Variants in NBEA observed in about 807,000 individuals in gnomAD.
NBEA encodes neurobeachin, also known as lysosomal-trafficking regulator 2.
NBEA carries 44 observed loss-of-function variants against 343.4 expected under a neutral mutation model. That is an observed-to-expected ratio of 0.13 (90% CI 0.10 to 0.16). The LOEUF (loss-of-function observed/expected upper bound fraction) is 0.16, where lower values mean the gene tolerates loss of function less well. Ranked by LOEUF, NBEA falls within the 10% of genes least tolerant of loss-of-function variation. The pLI, the probability that NBEA is intolerant of heterozygous loss-of-function variation, is 1.00. For missense variants in NBEA, 2,555 were observed against 3,631.3 expected (o/e 0.70, Z 7.62); for synonymous variants, 1,175 against 1,238.7 (o/e 0.95, Z 1.08).
At chr13:35,542,780 A>G (rs1243108871) in intron 41 of NBEA, among the ~76,000 whole-genome samples, 1 of 152,120 alleles carries the variant, frequency 6.6e-6, no homozygotes, top group Non-Finnish European at 1.5e-5. Context: ...TTGTTATATT[A>G]CTTTTCAGAT....
chr13:35,378,323 G>A (rs1389367704), intron 38 of NBEA, among the ~76,000 whole-genome samples: 2 of 152,198 alleles, frequency 1.3e-5, no homozygotes, highest in African/African-American at 2.4e-5. Context: ...CTAAGAGACA[G>A]AGAAAAATTC....
intron 6 of NBEA, among the ~76,000 whole-genome samples, chr13:35,053,364 A>G (rs970282683): frequency 1.3e-5 from 2 of 152,060 alleles, no homozygotes; most frequent in Non-Finnish European, 2.9e-5. Context: ...TCTGCCTGGA[A>G]TGTTTTTTTA....
chr13:35,439,278 A>G (rs2045607264), intron 39 of NBEA, among the ~76,000 whole-genome samples: 1 of 152,234 alleles, frequency 6.6e-6, no homozygotes, highest in Non-Finnish European at 1.5e-5. Context: ...GTGGAAAGGA[A>G]TAAAGAAAAT....
intron 18 of NBEA, among the ~76,000 whole-genome samples, chr13:35,142,826 A>G (rs1303476723): frequency 6.6e-6 from 1 of 152,168 alleles, no homozygotes; most frequent in African/African-American, 2.4e-5. Flanking sequence ...TGATATCTGG[A>G]AGCATCTTTG....
rs1471714074 is a variant in NBEA, at chr13:35,444,619, T to TAATAATGATAA, written c.6305-7469_6305-7468insATGATAAAATA. Among the ~76,000 whole-genome samples, 10 of 152,138 alleles carry TAATAATGATAA rather than the reference T, an allele frequency of 6.6e-5. No individual in the cohort carries two copies. The South Asian group carries it at 1.9e-3, about 28-fold the overall frequency. On this transcript the variant is annotated intron_variant, in intron 39 of 58. Coordinates refer to ENST00000379939, the MANE Select transcript of NBEA (RefSeq NM_001385012.1). ...AATGTTTAGAAACAGAATTACCTGA[T>TAATAATGATAA]AATACATTTAGGTAAAAATAAAATT... is the stretch of plus-strand genomic sequence containing the variant.
chr13:35,520,215 G>A (rs1217635817), intron 41 of NBEA, among the ~76,000 whole-genome samples: 1 of 152,202 alleles, frequency 6.6e-6, no homozygotes, highest in Non-Finnish European at 1.5e-5. Context: ...CCCATGGCCT[G>A]GAGGTTGGGG....
At chr13:35,578,275 A>AT (rs2080844928) in intron 45 of NBEA, among the ~76,000 whole-genome samples, 1 of 152,116 alleles carries the variant, frequency 6.6e-6, no homozygotes, top group South Asian at 2.1e-4. Flanking sequence ...TTTGTAAGAG[A>AT]TTTGGTCAAG....
At position 35,171,397 on chromosome 13, in the gene NBEA, T is replaced by G. The variant is rs942871554; in HGVS notation, c.4368T>G (p.Ile1456Met). 6.2e-7 allele frequency: 1 copy of G among 1,612,146 alleles called. No homozygotes were observed. ...VFASSLNFSEIEAEKNMSSGG... is the reference protein window; with the variant it reads ...VFASSLNFSEMEAEKNMSSGG... Reference sequence around the variant, plus strand: ...CAAGCTCTCTAAATTTTAGTGAGATTGAAGCTGAGAAAAACATGTCTTCTG... The same window carrying G: ...CAAGCTCTCTAAATTTTAGTGAGATGGAAGCTGAGAAAAACATGTCTTCTG... Residue 1456 changes from isoleucine to methionine, a missense_variant, in exon 26 of 59, where the codon ATT becomes ATG. Ile to Met is a conservative substitution (Grantham distance 10). Transcript: ENST00000379939.
At chr13:35,316,591 T>A (rs532943041) in intron 36 of NBEA, among the ~76,000 whole-genome samples, 3 of 152,294 alleles carry the variant, frequency 2.0e-5, no homozygotes, top group African/African-American at 7.2e-5. Flanking sequence ...GTGTTTATAG[T>A]AGAATGATTT....
intron 1 of NBEA, among the ~76,000 whole-genome samples, chr13:35,039,215 A>G (rs1206029372): frequency 6.6e-6 from 1 of 152,104 alleles, no homozygotes; most frequent in Non-Finnish European, 1.5e-5. Flanking sequence ...TGCTCTTGGC[A>G]CCAAGCCATG....
At chr13:35,416,375 T>TGGG (rs1186341183) in intron 38 of NBEA, among the ~76,000 whole-genome samples, 1 of 151,754 alleles carries the variant, frequency 6.6e-6, no homozygotes, top group Admixed American at 6.6e-5. Context: ...GCTCTTATTA[T>TGGG]TTTGAAACAC....
intron 31 of NBEA, among the ~76,000 whole-genome samples, chr13:35,205,990 C>T (rs1566456748): frequency 6.6e-6 from 1 of 151,960 alleles, no homozygotes; most frequent in African/African-American, 2.4e-5. Context: ...TAACCCGGGT[C>T]TGTAGGGTTA....
intron 25 of NBEA, 43 bp downstream of exon 25, chr13:35,169,038 G>A: frequency 7.0e-7 from 1 of 1,423,092 alleles, no homozygotes; most frequent in Non-Finnish European, 9.3e-7. Context: ...TCAGTTTCAA[G>A]TTTTATTTTT....
chr13:35,245,669 TG>T (rs1566512152), intron 34 of NBEA, among the ~76,000 whole-genome samples: 6 of 152,144 alleles, frequency 3.9e-5, no homozygotes, highest in Admixed American at 3.3e-4. Context: ...TAATCTGATA[TG>T]TTTTCCTTTA....
At position 35,048,611 on chromosome 13, in the gene NBEA, A is replaced by G. The variant is rs754004912; in HGVS notation, c.772A>G (p.Thr258Ala). ...IAKWPYQNGF[T>A]LNTWFRMDPL... ...AAAGTGGCCTTATCAGAATGGCTTC[A>G]CCTTAAACACTTGGTTTCGTATGGA... Residue 258 changes from threonine to alanine, a missense_variant, in exon 5 of 59, where the codon ACC becomes GCC. This residue lies in a region of NBEA where 185 missense variants were observed against 290.6 expected (regional missense o/e 0.64). Transcript: ENST00000379939. The G allele has an allele frequency of 6.3e-7, 1 of 1,576,634 alleles. No individual in the cohort carries two copies. Among genetic ancestry groups the G allele is most frequent in the Admixed American group, 1.7e-5 (1 of 59,412 alleles).
chr13:35,353,299 G>T (rs1759126522), intron 38 of NBEA, among the ~76,000 whole-genome samples: 1 of 152,114 alleles, frequency 6.6e-6, no homozygotes, highest in Admixed American at 6.6e-5. Context: ...GCCAGGCGTG[G>T]TGGCGGGCAC....
intron 48 of NBEA, among the ~76,000 whole-genome samples, chr13:35,623,547 CAA>C (rs1410888451): frequency 2.0e-5 from 3 of 152,090 alleles, no homozygotes; most frequent in Admixed American, 6.5e-5. Flanking sequence ...ATAAAAAAGA[CAA>C]AATTATTTAA....
intron 1 of NBEA, among the ~76,000 whole-genome samples, chr13:34,946,828 TTA>T (rs1265336682): frequency 6.6e-5 from 10 of 151,386 alleles, no homozygotes; most frequent in African/African-American, 2.2e-4. Flanking sequence ...GGTATTTTTG[TTA>T]AAAGGGTAAC....
At chr13:35,453,807 T>C (rs1427234999) in intron 40 of NBEA, among the ~76,000 whole-genome samples, 1 of 152,200 alleles carries the variant, frequency 6.6e-6, no homozygotes, top group African/African-American at 2.4e-5. Context: ...ATAACCTTTT[T>C]ATATTTCTCT....
Sources: gnomAD v4.1 joint callset for allele counts (sites outside exome capture counted in the v4.1 genomes callset) on GRCh38, gnomAD v4.1.1 for gene constraint, gnomAD v4.1.1 regional missense constraint, MANE v1.5 for transcripts, NCBI Gene and HGNC (gene_info 2026-07-23, HGNC 2026-07-21) for gene names.